Variants in EYS observed in about 807,000 individuals in gnomAD.
EYS encodes protein eyes shut homolog.
Under a neutral mutation model 282.1 loss-of-function variants are expected in EYS, and 250 were observed. That is an observed-to-expected ratio of 0.89 (90% CI 0.80 to 0.98). EYS has a LOEUF of 0.98. Among genes scored for constraint, EYS ranks in the 50% least tolerant of loss-of-function variants. The pLI, the probability that EYS is intolerant of heterozygous loss-of-function variation, is 0.00. For missense variants in EYS, 4,016 were observed against 3,709.0 expected, an observed-to-expected ratio of 1.08 and a Z score of -2.15; for synonymous variants, 1,355 against 1,282.9, an observed-to-expected ratio of 1.06 and a Z score of -1.20.
chr6:65,417,541 A>G (rs1767287768), intron 5 of EYS, among the ~76,000 whole-genome samples: 1 of 151,970 alleles, frequency 6.6e-6, no homozygotes, highest in African/African-American at 2.4e-5. Flanking sequence ...TTTTTCTCTA[A>G]AGAAGCAGAT....
At chr6:65,291,840 A>C in intron 12 of EYS, among the ~76,000 whole-genome samples, 1 of 151,648 alleles carries the variant, frequency 6.6e-6, no homozygotes, top group East Asian at 1.9e-4. Flanking sequence ...CAGAGAACTT[A>C]AGCCACTAGC....
At chr6:64,612,587 T>C (rs1163496439) in intron 24 of EYS, among the ~76,000 whole-genome samples, 2 of 152,070 alleles carry the variant, frequency 1.3e-5, no homozygotes, top group Non-Finnish European at 1.5e-5. Flanking sequence ...TATTCACTAA[T>C]TATCAGCTTG....
At chr6:65,054,085 C>G (rs1381579201) in intron 13 of EYS, among the ~76,000 whole-genome samples, 4 of 151,900 alleles carry the variant, frequency 2.6e-5, no homozygotes, top group Non-Finnish European at 5.9e-5. Context: ...TATATATACA[C>G]TTTTTCAAAA....
At chr6:64,202,424 G>GA (rs1042942687) in intron 31 of EYS, among the ~76,000 whole-genome samples, 1 of 151,574 alleles carries the variant, frequency 6.6e-6, no homozygotes, top group Non-Finnish European at 1.5e-5. Context: ...TTATTTTTTA[G>GA]AAAAAAACGA....
chr6:65,602,174 C>T (rs1765637308), intron 2 of EYS, among the ~76,000 whole-genome samples: 1 of 151,736 alleles, frequency 6.6e-6, no homozygotes, highest in South Asian at 2.1e-4. Context: ...TTTTCCATTC[C>T]TCCAAAACTT....
chr6:64,466,877 T>A (rs1485601263), intron 26 of EYS, among the ~76,000 whole-genome samples: 3 of 152,104 alleles, frequency 2.0e-5, no homozygotes, highest in Non-Finnish European at 4.4e-5. Flanking sequence ...ATTTGTGTCA[T>A]TTAATATATT....
intron 2 of EYS, among the ~76,000 whole-genome samples, chr6:65,526,738 G>A (rs533769244): frequency 1.3e-5 from 2 of 152,242 alleles, no homozygotes; most frequent in East Asian, 1.9e-4. Flanking sequence ...CTCGGAAGGC[G>A]AAGCTTGCAG....
intron 22 of EYS, among the ~76,000 whole-genome samples, chr6:64,661,948 G>A (rs1214326908): frequency 6.6e-6 from 1 of 151,106 alleles, no homozygotes; most frequent in Non-Finnish European, 1.5e-5. Context: ...GTTTATTGCG[G>A]CACTATTCAC....
At chr6:63,865,102 C>T (rs1022337119) in intron 35 of EYS, among the ~76,000 whole-genome samples, 3 of 152,166 alleles carry the variant, frequency 2.0e-5, no homozygotes, top group Non-Finnish European at 4.4e-5. Context: ...GACACAGTCT[C>T]CACTCGGTGC....
At chr6:64,867,870 A>G (rs1766471978) in intron 19 of EYS, among the ~76,000 whole-genome samples, 1 of 151,592 alleles carries the variant, frequency 6.6e-6, no homozygotes, top group Non-Finnish European at 1.5e-5. Context: ...TTTTATCTTC[A>G]ATCAACACTT....
chr6:64,549,508 A>G (rs894344631), intron 26 of EYS, among the ~76,000 whole-genome samples: 3 of 152,336 alleles, frequency 2.0e-5, no homozygotes, highest in South Asian at 2.1e-4. Flanking sequence ...ATGCTAATCA[A>G]TGATGTGGCC....
intron 40 of EYS, among the ~76,000 whole-genome samples, chr6:63,765,178 T>C (rs1003010251): frequency 2.0e-5 from 3 of 152,104 alleles, no homozygotes; most frequent in African/African-American, 7.2e-5. Context: ...CTGTCTGTGC[T>C]TATCTTAGGA....
intron 29 of EYS, among the ~76,000 whole-genome samples, chr6:64,329,173 A>T (rs1269545045): frequency 2.0e-5 from 3 of 152,122 alleles, no homozygotes; most frequent in Non-Finnish European, 2.9e-5. Flanking sequence ...GGTGTGGAGC[A>T]CTCGGTAGTA....
chr6:63,926,671 T>C (rs899783626), intron 35 of EYS, among the ~76,000 whole-genome samples: 4 of 152,232 alleles, frequency 2.6e-5, no homozygotes, highest in African/African-American at 7.2e-5. Flanking sequence ...TTTTGGATCA[T>C]TGTGGATGTC....
rs544130688 is a variant in EYS, at chr6:64,168,178, G to A, written c.6424+62414C>T. Among the ~76,000 whole-genome samples, 702 of 152,188 alleles carry A rather than the reference G, an allele frequency of 4.6e-3. 4 individuals carry two copies. The highest frequency in any genetic ancestry group is 0.016 in the African/African-American group (671 of 41,532). ...CGGGACGCTGAGGCAGGAGAATGGC[G>A]TGAACCCGGGAGGGGGAGCTTGCAG... On this transcript the variant is annotated intron_variant, in intron 31 of 42. Transcript: ENST00000503581.
chr6:63,775,114 C>A (rs1329246722), intron 40 of EYS, among the ~76,000 whole-genome samples: 7 of 152,288 alleles, frequency 4.6e-5, no homozygotes, highest in Non-Finnish European at 2.9e-5. Flanking sequence ...CCTTATGATA[C>A]TCACATTTGA....
At chr6:64,968,978 G>A (rs1245865362) in intron 14 of EYS, among the ~76,000 whole-genome samples, 1 of 152,040 alleles carries the variant, frequency 6.6e-6, no homozygotes, top group Non-Finnish European at 1.5e-5. Context: ...AGCACTTTCT[G>A]TGGGATTGCC....
chr6:64,176,723 A>T (rs1764648054), intron 31 of EYS, among the ~76,000 whole-genome samples: 1 of 152,082 alleles, frequency 6.6e-6, no homozygotes, highest in Non-Finnish European at 1.5e-5. Flanking sequence ...ATTTTTCTTA[A>T]GGAAATATCT....
intron 22 of EYS, among the ~76,000 whole-genome samples, chr6:64,791,313 A>G (rs1774184116): frequency 6.6e-6 from 1 of 151,908 alleles, no homozygotes; most frequent in Non-Finnish European, 1.5e-5. Flanking sequence ...ATGCATGCAC[A>G]CACACACACA....
Sources: gnomAD v4.1 joint callset for allele counts (sites outside exome capture counted in the v4.1 genomes callset) on GRCh38, gnomAD v4.1.1 for gene constraint, MANE v1.5 for transcripts, NCBI Gene and HGNC (gene_info 2026-07-23, HGNC 2026-07-21) for gene names.